PDPR: variants seen among roughly 807,000 people sequenced by gnomAD.
PDPR encodes the protein pyruvate dehydrogenase phosphatase regulatory subunit, mitochondrial.
PDPR carries 50 observed loss-of-function variants against 102.2 expected under a neutral mutation model. The observed-to-expected ratio is 0.49, with a 90% CI of 0.39 to 0.62. The LOEUF (loss-of-function observed/expected upper bound fraction) is 0.62, where lower values mean the gene tolerates loss of function less well. Ranked by LOEUF, PDPR falls within the 20% of genes least tolerant of loss-of-function variation. The probability of loss-of-function intolerance (pLI) is 0.00; values close to 1 mark genes in which losing one functional copy is unlikely to be tolerated. For synonymous variants in PDPR, 259 were observed against 406.0 expected, an observed-to-expected ratio of 0.64 and a Z score of 4.35; for missense variants, 625 against 1,098.2, an observed-to-expected ratio of 0.57 and a Z score of 6.09.
intron 7 of PDPR, among the ~76,000 whole-genome samples, chr16:70,131,065 G>A (rs1434986108): frequency 2.6e-5 from 4 of 152,214 alleles, no homozygotes; most frequent in Admixed American, 2.6e-4. Flanking sequence ...GTTCCCATGA[G>A]CTCCTTTGAC....
At chr16:70,132,671 A>G (rs1291541974) in intron 9 of PDPR, among the ~76,000 whole-genome samples, 3 of 150,576 alleles carry the variant, frequency 2.0e-5, no homozygotes, top group South Asian at 2.1e-4. Flanking sequence ...TCTTTTTGGT[A>G]GAGACATGGT....
chr16:70,138,314 G>A (rs1965372603), intron 10 of PDPR, among the ~76,000 whole-genome samples: 1 of 150,428 alleles, frequency 6.6e-6, no homozygotes, highest in Non-Finnish European at 1.5e-5. Context: ...TGCCTCCCAG[G>A]TTCAAGCAAT....
chr16:70,133,768 T>G (rs1184411277), intron 9 of PDPR, among the ~76,000 whole-genome samples: 1 of 151,092 alleles, frequency 6.6e-6, no homozygotes, highest in African/African-American at 2.4e-5. Flanking sequence ...AGTTTCACTC[T>G]TGTTGCCCAG....
intron 3 of PDPR, among the ~76,000 whole-genome samples, chr16:70,122,961 C>G (rs1382396100): frequency 2.6e-5 from 4 of 151,590 alleles, no homozygotes; most frequent in East Asian, 3.9e-4. Context: ...AGTGCAGTGA[C>G]GTGATCTCGG....
In PDPR at chr16:70,157,545, G is replaced by T; in HGVS notation, c.*666G>T. On this transcript the variant is annotated 3_prime_UTR_variant, in exon 19 of 19. Transcript: ENST00000288050. ...TGCAGAAGCCATTAGCAGACCTTTG[G>T]GCCAGGGCAGCCTCCCTATAATTTT... The T allele has an allele frequency of 5.7e-6, 1 of 174,082 alleles. No individual in the cohort carries two copies. Among genetic ancestry groups the T allele is most frequent in the Non-Finnish European group, 1.2e-5 (1 of 82,328 alleles). The allele number at this position is 174,082 out of a possible 1,614,324, so 10.8% of individuals were successfully genotyped here.
rs374251604 is a variant in PDPR at position 70,120,736 on chromosome 16, A to G, written c.227+17A>G. ...GCAGGGCAGGTAAGGATCAGACTGC[A>G]TTTGGCTCATGGCTGTGCTGCACTA... On this transcript the variant is annotated intron_variant, in intron 3 of 18. Coordinates refer to ENST00000288050, the MANE Select transcript of PDPR (RefSeq NM_017990.5). 9.6e-5 allele frequency: 146 copies of G among 1,522,978 alleles called. 1 individual carries two copies. In the Middle Eastern group the frequency reaches 1.2e-3, roughly 12 times the overall value. 94.3% of individuals were successfully genotyped at this position (1,522,978 alleles called of 1,614,324 possible). A position where few individuals can be genotyped will look rare whatever the true frequency, so the allele number is the denominator to read the frequency against.
chr16:70,129,384 G>T (rs1277386955), intron 6 of PDPR, among the ~76,000 whole-genome samples: 1 of 152,234 alleles, frequency 6.6e-6, no homozygotes, highest in East Asian at 1.9e-4. Context: ...CACTCTTTTC[G>T]CCCAGGCTGG....
At chr16:70,135,090 TATG>T (rs554608661) in intron 9 of PDPR, among the ~76,000 whole-genome samples, 3,141 of 148,962 alleles carry the variant, frequency 0.021, no homozygotes, top group Middle Eastern at 0.032. Context: ...GCGAGAGTAG[TATG>T]ATGAGCCCCC....
At chr16:70,130,298 T>A in intron 6 of PDPR, 125 bp from the exon 7 acceptor site, 2 of 1,170,658 alleles carry the variant, frequency 1.7e-6, no homozygotes, top group Non-Finnish European at 2.4e-6. Flanking sequence ...AAAAATAAAA[T>A]AAAAAAATAA....
intron 3 of PDPR, among the ~76,000 whole-genome samples, chr16:70,125,618 C>G (rs1249643172): frequency 6.6e-6 from 1 of 151,010 alleles, no homozygotes; most frequent in Non-Finnish European, 1.5e-5. Flanking sequence ...AAAAAGACTC[C>G]CCAATGTTCT....
chr16:70,125,402 A>AAC (rs1362341784), intron 3 of PDPR, among the ~76,000 whole-genome samples: 2 of 150,582 alleles, frequency 1.3e-5, no homozygotes, highest in African/African-American at 2.5e-5. Flanking sequence ...AAAAAAACAA[A>AAC]AATTAGCTGG....
chr16:70,143,857 T>G (rs1965982985), intron 14 of PDPR, among the ~76,000 whole-genome samples, 199 bp downstream of exon 14: 1 of 151,702 alleles, frequency 6.6e-6, no homozygotes, highest in Non-Finnish European at 1.5e-5. Context: ...GCCCACCAGA[T>G]TATGTACCCT....
chr16:70,141,598 TCTC>T (rs1226511760), intron 11 of PDPR, among the ~76,000 whole-genome samples: 2 of 152,284 alleles, frequency 1.3e-5, no homozygotes. Context: ...GTAACCTTCT[TCTC>T]TGCTATGAAG....
intron 2 of PDPR, among the ~76,000 whole-genome samples, chr16:70,115,877 CT>C (rs1962586678): frequency 2.0e-5 from 3 of 152,150 alleles, no homozygotes; most frequent in Admixed American, 6.5e-5. Flanking sequence ...TTCTTCTCCC[CT>C]GGCTTTACCT....
chr16:70,117,970 G>A (rs1962818567), intron 2 of PDPR, among the ~76,000 whole-genome samples: 1 of 151,872 alleles, frequency 6.6e-6, no homozygotes, highest in Non-Finnish European at 1.5e-5. Flanking sequence ...GCGCGTGCTT[G>A]TAGTTCCAGC....
At position 70,148,510 on chromosome 16, in the gene PDPR, CG is replaced by C; in HGVS notation, c.2010del (p.His671ThrfsTer13). ...YANGIRVMSM[T>X]HTGEPGFMLY... ...AATGGGATCCGGGTGATGAGCATGA[CG>C]CACACAGGAGAGCCAGGATTCATGC... On this transcript the variant is annotated frameshift_variant, in exon 17 of 19. Transcript: ENST00000288050. LOFTEE classifies it high-confidence loss of function. 6.2e-7 allele frequency: 1 copy of C among 1,613,528 alleles called. No homozygotes were observed.
At chr16:70,113,630 G>C (rs1962350910), upstream of PDPR, 1 of 137,150 alleles carries the variant, frequency 7.3e-6, no homozygotes, top group African/African-American at 2.5e-5. Flanking sequence ...TTGAGTCAGT[G>C]ATGAGTTCTA....
Position 70,157,130 on chromosome 16 carries a change from G to T in PDPR, c.*251G>T, listed in dbSNP as rs1266890753. ...CTTCCCACCCCTCACTCAGCTTCTCGTGGTGGCAGGAGGTATGTCTGACAG... is the reference window on the plus strand; with the variant it reads ...CTTCCCACCCCTCACTCAGCTTCTCTTGGTGGCAGGAGGTATGTCTGACAG... On this transcript the variant is annotated 3_prime_UTR_variant, in exon 19 of 19. Transcript: ENST00000288050. 15 of 676,342 alleles carry T rather than the reference G, an allele frequency of 2.2e-5. No homozygotes were observed. The Admixed American group carries it at 3.1e-4, about 14-fold the overall frequency. 41.9% of individuals were successfully genotyped at this position (676,342 alleles called of 1,614,324 possible). A position where few individuals can be genotyped will look rare whatever the true frequency, so the allele number is the denominator to read the frequency against.
At chr16:70,134,547 CTTTG>C (rs1422276396) in intron 9 of PDPR, among the ~76,000 whole-genome samples, 2 of 148,698 alleles carry the variant, frequency 1.3e-5, no homozygotes, top group Non-Finnish European at 3.0e-5. Context: ...AATCCCAGCA[CTTTG>C]GGAGGCCAAG....
Sources: gnomAD v4.1 joint callset for allele counts (sites outside exome capture counted in the v4.1 genomes callset) on GRCh38, gnomAD v4.1.1 for gene constraint, MANE v1.5 for transcripts, NCBI Gene and HGNC (gene_info 2026-07-23, HGNC 2026-07-21) for gene names.